The following ZC3H18 variants were observed in gnomAD, a reference collection of about 807,000 sequenced individuals.
The protein encoded by ZC3H18 is zinc finger CCCH-type containing 18.
ZC3H18 carries 8 observed loss-of-function variants against 106.1 expected under a neutral mutation model. The observed-to-expected ratio is 0.08, with a 90% CI of 0.04 to 0.14. The LOEUF (loss-of-function observed/expected upper bound fraction) is 0.14. ZC3H18 is among the 10% of genes least tolerant of loss of function. The probability of loss-of-function intolerance (pLI) is 1.00; values close to 1 mark genes in which losing one functional copy is unlikely to be tolerated. For synonymous variants in ZC3H18, 635 were observed against 522.1 expected (o/e 1.22, Z -2.95); for missense variants, 1,318 against 1,278.4 (o/e 1.03, Z -0.47).
intron 3 of ZC3H18, chr16:88,587,492 C>T: frequency 2.7e-6 from 4 of 1,467,652 alleles, no homozygotes; most frequent in Non-Finnish European, 3.7e-6. Flanking sequence ...CACTGCCAGC[C>T]TGTGTGTGCC....
chr16:88,580,226 G>C (rs1915041281), intron 2 of ZC3H18, among the ~76,000 whole-genome samples: 1 of 146,500 alleles, frequency 6.8e-6, no homozygotes, highest in Non-Finnish European at 1.5e-5. Flanking sequence ...ATATGTCTCT[G>C]CCTGCTGCTT....
At chr16:88,588,699 A>C (rs117556024) in intron 3 of ZC3H18, among the ~76,000 whole-genome samples, 18 of 152,116 alleles carry the variant, frequency 1.2e-4, no homozygotes, top group African/African-American at 4.1e-4. Flanking sequence ...TGGGCAACAT[A>C]GTGAGACCTT....
At chr16:88,604,546 C>T (rs910116605) in intron 6 of ZC3H18, among the ~76,000 whole-genome samples, 6 of 151,864 alleles carry the variant, frequency 4.0e-5, no homozygotes, top group Non-Finnish European at 5.9e-5. Context: ...ATTAGCCAGG[C>T]GTGGTGGCGG....
intron 8 of ZC3H18, among the ~76,000 whole-genome samples, chr16:88,612,042 T>G (rs1437510559): frequency 6.6e-6 from 1 of 152,048 alleles, no homozygotes; most frequent in African/African-American, 2.4e-5. Context: ...CGGGCTGCTG[T>G]TTTTCCTTTG....
chr16:88,610,706 C>T (rs921805155), intron 7 of ZC3H18, among the ~76,000 whole-genome samples: 2 of 152,204 alleles, frequency 1.3e-5, no homozygotes, highest in African/African-American at 4.8e-5. Context: ...TTGGAAAGGG[C>T]ATCCGAGGAT....
At chr16:88,619,739 T>C (rs1905844402) in intron 8 of ZC3H18, among the ~76,000 whole-genome samples, 1 of 152,188 alleles carries the variant, frequency 6.6e-6, no homozygotes, top group African/African-American at 2.4e-5. Context: ...CTCCACATGC[T>C]GTTACAGCTT....
chr16:88,609,149 C>T, intron 7 of ZC3H18, 98 bp downstream of exon 7: 3 of 946,692 alleles, frequency 3.2e-6, no homozygotes, highest in Non-Finnish European at 4.7e-6. Context: ...TTTATATGAG[C>T]TTATAGAGCC....
At chr16:88,579,465 C>T (rs1010570917) in intron 2 of ZC3H18, among the ~76,000 whole-genome samples, 8 of 152,202 alleles carry the variant, frequency 5.3e-5, no homozygotes, top group East Asian at 1.9e-4. Flanking sequence ...ATTCATCAGA[C>T]GGATCAAGGG....
chr16:88,603,049 C>T lies in ZC3H18; in HGVS notation c.1088+3101C>T, dbSNP rs1359913466. ...GTGCCATCTTGGCTCACTGTAAGCTCCGCCTCCTGGGTTCACGCCATTCTC... is the reference window on the plus strand; with the variant it reads ...GTGCCATCTTGGCTCACTGTAAGCTTCGCCTCCTGGGTTCACGCCATTCTC... On this transcript the variant is annotated intron_variant, in intron 6 of 17. Transcript: ENST00000301011. Among the ~76,000 whole-genome samples, 4 of 151,708 alleles carry T rather than the reference C, an allele frequency of 2.6e-5. No individual in the cohort carries two copies. In the East Asian group the frequency reaches 7.8e-4, roughly 30 times the overall value.
At chr16:88,578,283 A>G (rs1914888297) in intron 2 of ZC3H18, among the ~76,000 whole-genome samples, 1 of 152,226 alleles carries the variant, frequency 6.6e-6, no homozygotes, top group Non-Finnish European at 1.5e-5. Context: ...TGGGCACCTC[A>G]ACTTCTGACA....
At chr16:88,598,538 T>C in intron 4 of ZC3H18, 82 bp from the exon 5 acceptor site, 5 of 1,470,594 alleles carry the variant, frequency 3.4e-6, no homozygotes, top group Middle Eastern at 1.7e-4. Context: ...GCTTGTGTTG[T>C]AGTTGATGTT....
At chr16:88,586,100 A>G (rs189817685) in intron 2 of ZC3H18, among the ~76,000 whole-genome samples, 1 of 152,182 alleles carries the variant, frequency 6.6e-6, no homozygotes, top group East Asian at 1.9e-4. Context: ...CTAAGACTTG[A>G]CAGTCAGGGT....
intron 3 of ZC3H18, among the ~76,000 whole-genome samples, chr16:88,589,815 G>C (rs543537822): frequency 2.0e-5 from 3 of 152,348 alleles, no homozygotes; most frequent in South Asian, 4.1e-4. Flanking sequence ...GGTGGAGAGT[G>C]ATAGCTAGTG....
intron 8 of ZC3H18, among the ~76,000 whole-genome samples, chr16:88,621,897 G>C (rs909589255): frequency 6.6e-6 from 1 of 152,174 alleles, no homozygotes; most frequent in African/African-American, 2.4e-5. Context: ...CAGCGTAGTT[G>C]GAAAGATGGA....
At chr16:88,587,429 G>T in intron 3 of ZC3H18, 2 of 820,682 alleles carry the variant, frequency 2.4e-6, no homozygotes, top group Non-Finnish European at 3.9e-6. Context: ...GGAAAGGTAG[G>T]AAGGTGTTTT....
At chr16:88,615,097 T>C (rs1222194614) in intron 8 of ZC3H18, among the ~76,000 whole-genome samples, 6 of 128,536 alleles carry the variant, frequency 4.7e-5, no homozygotes, top group Admixed American at 7.7e-5. Context: ...TCCCTCTGCC[T>C]GGACGGGCTG....
intron 8 of ZC3H18, among the ~76,000 whole-genome samples, chr16:88,618,210 A>G (rs990550928): frequency 6.6e-6 from 1 of 150,462 alleles, no homozygotes. Flanking sequence ...TGCAAAGTGT[A>G]AAGACATGGG....
chr16:88,597,200 G>A lies in ZC3H18; in HGVS notation c.689-978G>A, dbSNP rs143225211. Among the ~76,000 whole-genome samples the A allele has an allele frequency of 2.0e-5, 3 of 152,284 alleles. No homozygotes were observed. The East Asian group carries it at 5.8e-4, about 29-fold the overall frequency. On this transcript the variant is annotated intron_variant, in intron 3 of 17. Transcript: ENST00000301011. ...CCTCCCAACTTCGTTTGACTTATGTGTGATCTCTGAAATGCTTTTAGAAAT... is the reference window on the plus strand; with the variant it reads ...CCTCCCAACTTCGTTTGACTTATGTATGATCTCTGAAATGCTTTTAGAAAT...
intron 2 of ZC3H18, among the ~76,000 whole-genome samples, chr16:88,580,102 T>A (rs566402687): frequency 6.6e-6 from 1 of 151,798 alleles, no homozygotes; most frequent in East Asian, 1.9e-4. Context: ...ACCTCAGCAT[T>A]TGCGTAGGCT....
Sources: allele counts gnomAD v4.1 joint callset (sites outside exome capture counted in the v4.1 genomes callset), GRCh38; gene constraint gnomAD v4.1.1; transcripts MANE v1.5; gene names NCBI Gene and HGNC (gene_info 2026-07-23, HGNC 2026-07-21).